The following COL25A1 variants were observed in gnomAD, a reference collection of about 807,000 sequenced individuals.
The protein encoded by COL25A1 is collagen type XXV alpha 1 chain.
COL25A1 carries 103 observed loss-of-function variants against 128.4 expected under a neutral mutation model. The ratio of observed to expected loss-of-function variants is 0.80; its 90% CI spans 0.68 to 0.94. The LOEUF (loss-of-function observed/expected upper bound fraction) is 0.94, where lower values mean the gene tolerates loss of function less well. Ranked by LOEUF, COL25A1 falls within the 40% of genes least tolerant of loss-of-function variation. COL25A1 has a pLI of 0.00. For synonymous variants in COL25A1, 279 were observed against 277.2 expected, an observed-to-expected ratio of 1.01 and a Z score of -0.06; for missense variants, 745 against 840.0, an observed-to-expected ratio of 0.89 and a Z score of 1.40.
At chr4:108,874,260 A>G (rs1466212762) in intron 19 of COL25A1, among the ~76,000 whole-genome samples, 1 of 152,212 alleles carries the variant, frequency 6.6e-6, no homozygotes, top group Non-Finnish European at 1.5e-5. Context: ...AGGAGAAATA[A>G]CTGTTTATAT....
chr4:109,160,910 A>G (rs1772509503), intron 3 of COL25A1, among the ~76,000 whole-genome samples: 1 of 152,178 alleles, frequency 6.6e-6, no homozygotes, highest in Admixed American at 6.5e-5. Flanking sequence ...ACAATACAGC[A>G]TTTTATTTTT....
At chr4:108,856,724 C>T (rs951490660) in intron 24 of COL25A1, among the ~76,000 whole-genome samples, 20 of 152,020 alleles carry the variant, frequency 1.3e-4, no homozygotes, top group Non-Finnish European at 2.4e-4. Flanking sequence ...TGGATATTGG[C>T]TGTTTAGTAG....
At chr4:109,046,342 C>G (rs1015210788) in intron 5 of COL25A1, among the ~76,000 whole-genome samples, 23 of 152,084 alleles carry the variant, frequency 1.5e-4, no homozygotes, top group African/African-American at 5.6e-4. Context: ...AACAGATGGC[C>G]TCAAGAAAGC....
chr4:108,867,645 T>C (rs1738097452), intron 20 of COL25A1, among the ~76,000 whole-genome samples: 1 of 152,186 alleles, frequency 6.6e-6, no homozygotes, highest in African/African-American at 2.4e-5. Flanking sequence ...GAACAGACCA[T>C]GAACATATTT....
chr4:108,862,454 A>C, intron 22 of COL25A1, 47 bp downstream of exon 22: 2 of 1,436,068 alleles, frequency 1.4e-6, no homozygotes, highest in Non-Finnish European at 2.0e-6. Context: ...AAAAGCACAG[A>C]TCTTGAAGGC....
At chr4:108,830,104 T>G (rs1732900989) in intron 32 of COL25A1, among the ~76,000 whole-genome samples, 1 of 152,240 alleles carries the variant, frequency 6.6e-6, no homozygotes, top group Admixed American at 6.5e-5. Context: ...CCAAAAAGCA[T>G]TCTAATGATT....
chr4:109,142,439 G>T (rs1016222410), intron 3 of COL25A1, among the ~76,000 whole-genome samples: 1 of 152,128 alleles, frequency 6.6e-6, no homozygotes, highest in East Asian at 1.9e-4. Flanking sequence ...AGGTCTGCTT[G>T]GTCCAGAGCT....
chr4:108,823,465 A>C (rs1317697195), intron 35 of COL25A1, among the ~76,000 whole-genome samples: 1 of 152,136 alleles, frequency 6.6e-6, no homozygotes, highest in Non-Finnish European at 1.5e-5. Flanking sequence ...GAAAAGAACA[A>C]AGGAGAGGAA....
chr4:109,289,789 T>C (rs185915736), intron 3 of COL25A1, among the ~76,000 whole-genome samples: 2 of 152,232 alleles, frequency 1.3e-5, no homozygotes, highest in Admixed American at 1.3e-4. Flanking sequence ...GCTATATGGC[T>C]ACCTCCCAAA....
intron 37 of COL25A1, 111 bp downstream of exon 37, chr4:108,817,286 T>C: frequency 2.2e-6 from 2 of 907,612 alleles, no homozygotes; most frequent in South Asian, 2.8e-5. Context: ...ATTCTGGAGA[T>C]GAAATCTTTT....
At position 109,302,021 on chromosome 4, in the gene COL25A1, G is replaced by A. The variant is rs758629198; in HGVS notation, c.-2C>T. 4.4e-6 allele frequency: 7 copies of A among 1,580,210 alleles called. No individual in the cohort carries two copies. Among genetic ancestry groups the A allele is most frequent in the Admixed American group, 3.5e-5 (2 of 57,468 alleles). ...CCCTGCGTGCTTCTTCAGCAGCATC[G>A]TGGCGGGGTCGGCCGTCTCGGCTTC... On this transcript the variant is annotated 5_prime_UTR_variant, in exon 2 of 38. In the 5' UTR this introduces an upstream ATG that the reference lacks. Transcript: ENST00000399132.
chr4:108,942,404 C>G, intron 8 of COL25A1: 1 of 731,262 alleles, frequency 1.4e-6, no homozygotes, highest in South Asian at 1.8e-5. Flanking sequence ...ATCTGACATA[C>G]CATAAACAAA....
intron 3 of COL25A1, among the ~76,000 whole-genome samples, chr4:109,208,155 T>C (rs1777158995): frequency 6.6e-6 from 1 of 152,182 alleles, no homozygotes; most frequent in Admixed American, 6.6e-5. Context: ...TAAAACATAA[T>C]TAACAACTCT....
intron 3 of COL25A1, among the ~76,000 whole-genome samples, chr4:109,220,550 T>C (rs370538171): frequency 6.6e-6 from 1 of 152,192 alleles, no homozygotes; most frequent in East Asian, 1.9e-4. Context: ...GTATCAACTA[T>C]GGTAATGATA....
intron 11 of COL25A1, among the ~76,000 whole-genome samples, chr4:108,927,183 C>A (rs1236881715): frequency 6.6e-6 from 1 of 152,158 alleles, no homozygotes; most frequent in African/African-American, 2.4e-5. Context: ...TAACTCACTT[C>A]CTTTGTGAGC....
chr4:108,948,611 G>A (rs1473323389), intron 8 of COL25A1, among the ~76,000 whole-genome samples: 1 of 151,632 alleles, frequency 6.6e-6, no homozygotes, highest in Non-Finnish European at 1.5e-5. Flanking sequence ...CAAGTGGCTC[G>A]AAAAGTGACT....
chr4:108,987,278 AC>A (rs1753741191), intron 6 of COL25A1, among the ~76,000 whole-genome samples: 1 of 151,574 alleles, frequency 6.6e-6, no homozygotes, highest in Admixed American at 6.6e-5. Flanking sequence ...CTGTCTTCTC[AC>A]TCTCTCTATC....
intron 3 of COL25A1, among the ~76,000 whole-genome samples, chr4:109,183,428 T>C (rs554517469): frequency 3.3e-5 from 5 of 152,166 alleles, no homozygotes; most frequent in Non-Finnish European, 7.4e-5. Context: ...ACAAGCACTT[T>C]TGTGATTCAT....
chr4:108,863,460 G>C, intron 20 of COL25A1, 73 bp from the exon 21 acceptor site: 1 of 1,280,002 alleles, frequency 7.8e-7, no homozygotes. Context: ...TAATAAATGA[G>C]TTGAAGGAAA....
Sources: allele counts gnomAD v4.1 joint callset (sites outside exome capture counted in the v4.1 genomes callset), GRCh38; gene constraint gnomAD v4.1.1; transcripts MANE v1.5; gene names NCBI Gene and HGNC (gene_info 2026-07-23, HGNC 2026-07-21).